ADAR: variants seen among roughly 807,000 people sequenced by gnomAD.
ADAR encodes double-stranded RNA-specific adenosine deaminase.
In ADAR, 41 loss-of-function variants were observed where a neutral mutation model predicts 113.2. The observed-to-expected ratio is 0.36, with a 90% CI of 0.28 to 0.47. The LOEUF (loss-of-function observed/expected upper bound fraction) is 0.47. ADAR is among the 20% of genes least tolerant of loss of function. The pLI is 1.00. For synonymous variants in ADAR, 605 were observed against 572.6 expected (o/e 1.06, Z -0.81); for missense variants, 1,242 against 1,540.9 (o/e 0.81, Z 3.25).
intron 6 of ADAR, among the ~76,000 whole-genome samples, chr1:154,596,389 C>T (rs978646396): frequency 3.9e-5 from 6 of 152,018 alleles, no homozygotes; most frequent in Non-Finnish European, 8.8e-5. Flanking sequence ...TACAGGCACC[C>T]GCTGCCACGC....
intron 1 of ADAR, among the ~76,000 whole-genome samples, chr1:154,605,436 A>ATTTTTTT (rs35160350): frequency 6.8e-6 from 1 of 146,970 alleles, no homozygotes. Flanking sequence ...GAGCTACTGG[A>ATTTTTTT]TTTTTTTTTT....
intron 1 of ADAR, 60 bp from the exon 2 acceptor site, chr1:154,602,686 A>G: frequency 1.3e-6 from 2 of 1,594,942 alleles, no homozygotes; most frequent in Non-Finnish European, 1.7e-6. Flanking sequence ...GAACCTGTGG[A>G]GGCCCCTCCC....
Position 154,597,819 on chromosome 1 carries a change from A to G in ADAR, c.1934+9T>C, listed in dbSNP as rs1697602638. The G allele has an allele frequency of 6.2e-7, 1 of 1,614,112 alleles. No individual in the cohort carries two copies. On this transcript the variant is annotated intron_variant, in intron 4 of 14. Transcript: ENST00000368474. ...AACCTCAGCTGGACAGAGGACACGT[A>G]GGACATACTTGGGTTCATGGGCAGG...
intron 1 of ADAR, among the ~76,000 whole-genome samples, chr1:154,626,974 C>T (rs768206323): frequency 4.6e-5 from 7 of 152,328 alleles, no homozygotes; most frequent in South Asian, 2.1e-4. Context: ...TTCTCTGCCC[C>T]CAATGACCCG....
chr1:154,601,501 G>C lies in ADAR; in HGVS notation c.1141C>G (p.Pro381Ala). 1 of 1,613,964 alleles carries C rather than the reference G, an allele frequency of 6.2e-7. No individual in the cohort carries two copies. The highest frequency in any genetic ancestry group is 8.5e-7 in the Non-Finnish European group (1 of 1,180,006). The change falls in exon 2 of 15, where the codon CCT (proline) becomes GCT (alanine). Residue 381 changes from proline (P) to alanine (A), a missense_variant. Pro to Ala is a conservative substitution (Grantham distance 27). This residue lies in a region of ADAR where 462 missense variants were observed against 483.1 expected (regional missense o/e 0.96). Coordinates refer to ENST00000368474, the MANE Select transcript of ADAR (RefSeq NM_001111.5). The surrounding 1 kb of genome is among the most constrained non-coding windows in gnomAD (Gnocchi z 4.7). ...SVPETAPAAIPETKRNAEFLT... is the reference protein window; with the variant it reads ...SVPETAPAAIAETKRNAEFLT... ...AACTCTGCGTTTCTTTTGGTCTCAG[G>C]GATTGCAGCTGGAGCGGTTTCAGGA...
Position 154,601,002 on chromosome 1 carries a change from GACCCCA to G in ADAR, c.1601+33_1601+38del. The G allele has an allele frequency of 6.2e-7, 1 of 1,613,304 alleles. No homozygotes were observed. ...GACTGCGTCAGGAGCAAAAGCACCT[GACCCCA>G]ACCCTAGGTACAGTTCCTGGGTGGT... On this transcript the variant is annotated intron_variant, in intron 2 of 14. Coordinates refer to ENST00000368474, the MANE Select transcript of ADAR (RefSeq NM_001111.5). The surrounding 1 kb of genome is among the most constrained non-coding windows in gnomAD (Gnocchi z 4.7).
At chr1:154,604,400 C>G (rs1246852529) in intron 1 of ADAR, among the ~76,000 whole-genome samples, 1 of 152,234 alleles carries the variant, frequency 6.6e-6, no homozygotes, top group Non-Finnish European at 1.5e-5. Flanking sequence ...CCACCTGGAT[C>G]TCATGGTCAG....
In ADAR at chr1:154,608,153, G is replaced by T; in HGVS notation, c.-147C>A. The T allele has an allele frequency of 9.9e-7, 1 of 1,010,362 alleles. No homozygotes were observed. Among genetic ancestry groups the T allele is most frequent in the Non-Finnish European group, 1.4e-6 (1 of 731,544 alleles). 62.6% of individuals were successfully genotyped at this position (1,010,362 alleles called of 1,614,324 possible). A position where few individuals can be genotyped will look rare whatever the true frequency, so the allele number is the denominator to read the frequency against. ...GGGCGTCGGCACGGGAAACTCCGCGGGTCTGCGCGCCGGGCCCAAGATGGC... is the reference window on the plus strand; with the variant it reads ...GGGCGTCGGCACGGGAAACTCCGCGTGTCTGCGCGCCGGGCCCAAGATGGC... On this transcript the variant is annotated 5_prime_UTR_variant, in exon 1 of 15. Transcript: ENST00000368474.
rs35597061 is a variant in ADAR at position 154,589,336 on chromosome 1, G to A, written c.2762+33C>T. On this transcript the variant is annotated intron_variant, in intron 9 of 14. Transcript: ENST00000368474. ...CAGGGAACTGGAGCTCTCCACAGCCGGGCAGCCGGGCCACAGCTCTGACCT... is the reference window on the plus strand; with the variant it reads ...CAGGGAACTGGAGCTCTCCACAGCCAGGCAGCCGGGCCACAGCTCTGACCT... The A allele has an allele frequency of 1.3e-3, 2,093 of 1,573,204 alleles. 33 individuals carry two copies. In the African/African-American group the frequency reaches 0.025, roughly 18 times the overall value.
intron 2 of ADAR, chr1:154,600,290 A>T (rs1380336522): frequency 6.6e-6 from 1 of 151,556 alleles, no homozygotes; most frequent in Non-Finnish European, 1.5e-5. Flanking sequence ...CCTCCCGAGT[A>T]GCTGGGATTA....
chr1:154,590,138 A>AGGGGGGGGGGG, intron 7 of ADAR, 46 bp downstream of exon 7: 11 of 1,173,718 alleles, frequency 9.4e-6, no homozygotes, highest in East Asian at 7.6e-5. Flanking sequence ...AGGAGTTAGG[A>AGGGGGGGGGGG]GGACCCCCCC....
chr1:154,606,327 C>T (rs913137897), intron 1 of ADAR, among the ~76,000 whole-genome samples: 1 of 152,110 alleles, frequency 6.6e-6, no homozygotes, highest in African/African-American at 2.4e-5. Context: ...CTACCACGCC[C>T]GGCCAGTTAT....
At chr1:154,594,626 A>C (rs1047249374) in intron 6 of ADAR, among the ~76,000 whole-genome samples, 5 of 152,188 alleles carry the variant, frequency 3.3e-5, no homozygotes, top group Non-Finnish European at 7.3e-5. Context: ...CATAAGTTTC[A>C]CAAGAAAGTA....
chr1:154,598,696 T>TGCG, intron 2 of ADAR, 111 bp from the exon 3 acceptor site: 1 of 813,718 alleles, frequency 1.2e-6, no homozygotes, highest in Non-Finnish European at 1.8e-6. Flanking sequence ...GCTTTTCACT[T>TGCG]GTGGAGATGA....
chr1:154,584,450 G>A lies in ADAR; in HGVS notation c.*356C>T, dbSNP rs562965629. 18 of 276,234 alleles carry A rather than the reference G, an allele frequency of 6.5e-5. No homozygotes were observed. Among genetic ancestry groups the A allele is most frequent in the Non-Finnish European group, 1.0e-4 (15 of 144,754 alleles). 17.1% of individuals were successfully genotyped at this position (276,234 alleles called of 1,614,324 possible). On this transcript the variant is annotated 3_prime_UTR_variant, in exon 15 of 15. Coordinates refer to ENST00000368474, the MANE Select transcript of ADAR (RefSeq NM_001111.5). ...ACCTAATCAAGACCGCAAGAGGTCA[G>A]TGTAGCAAACACAAAGGGAAAGGAA...
At chr1:154,610,808 CAAAAAAAAAAAAAAAGAAAA>C (rs1325119094), upstream of ADAR, among the ~76,000 whole-genome samples, 9,496 of 40,688 alleles carry the variant, frequency 0.23, 1,233 homozygotes, top group African/African-American at 0.47. Flanking sequence ...GACACCGTCT[CAAAAAAAAAAAAAAAGAAAA>C]AAAAAAAAAA....
In ADAR at chr1:154,584,562, T is replaced by TA; in HGVS notation, c.*243dup. On this transcript the variant is annotated 3_prime_UTR_variant, in exon 15 of 15. Coordinates refer to ENST00000368474, the MANE Select transcript of ADAR (RefSeq NM_001111.5). Reference sequence around the variant, plus strand: ...GTATGCTTTGGGTAGAAAGAAAAGATAACTTCTTAGGTTTCTGCCTCTTCA... The same window carrying TA: ...GTATGCTTTGGGTAGAAAGAAAAGATAAACTTCTTAGGTTTCTGCCTCTTCA... The TA allele has an allele frequency of 1.9e-6, 1 of 516,844 alleles. No individual in the cohort carries two copies. The highest frequency in any genetic ancestry group is 3.2e-5 in the East Asian group (1 of 31,070). 32.0% of individuals were successfully genotyped at this position (516,844 alleles called of 1,614,324 possible).
At position 154,597,996 on chromosome 1, in the gene ADAR, A is replaced by G. The variant is rs747852078; in HGVS notation, c.1786-20T>C. ...TGCAGTCTAGAGAAAATGAGAGACAAGAAGAAAACAAAACTAAGAAAACAC... is the reference window on the plus strand; with the variant it reads ...TGCAGTCTAGAGAAAATGAGAGACAGGAAGAAAACAAAACTAAGAAAACAC... On this transcript the variant is annotated intron_variant, in intron 3 of 14. Coordinates refer to ENST00000368474, the MANE Select transcript of ADAR (RefSeq NM_001111.5). 2 of 1,611,516 alleles carry G rather than the reference A, an allele frequency of 1.2e-6. No homozygotes were observed. The highest frequency in any genetic ancestry group is 1.7e-5 in the Admixed American group (1 of 59,442).
At chr1:154,614,570 A>G (rs1246493653) in intron 1 of ADAR, among the ~76,000 whole-genome samples, 1 of 152,268 alleles carries the variant, frequency 6.6e-6, no homozygotes, top group Non-Finnish European at 1.5e-5. Context: ...AGTGTTTCTC[A>G]GGGAAATAGG....
Sources: allele counts gnomAD v4.1 joint callset (sites outside exome capture counted in the v4.1 genomes callset), GRCh38; gene constraint gnomAD v4.1.1; regional missense constraint gnomAD v4.1.1; non-coding constraint Gnocchi (gnomAD v3.1); transcripts MANE v1.5; gene names NCBI Gene and HGNC (gene_info 2026-07-23, HGNC 2026-07-21).